The following IQCM variants were observed in gnomAD, a reference collection of about 807,000 sequenced individuals.
IQCM encodes IQ domain-containing protein M.
A neutral mutation model predicts 57.6 loss-of-function variants in IQCM; 45 were observed. The ratio of observed to expected loss-of-function variants is 0.78; its 90% CI spans 0.62 to 1.00. The LOEUF is 1.00. Ranked by LOEUF, IQCM falls within the 50% of genes least tolerant of loss-of-function variation. The pLI is 0.00. For missense variants in IQCM, 468 were observed against 511.6 expected (o/e 0.91, Z 0.82); for synonymous variants, 148 against 158.9 (o/e 0.93, Z 0.51).
chr4:149,571,147 A>G (rs1751117581), intron 9 of IQCM, among the ~76,000 whole-genome samples: 1 of 152,140 alleles, frequency 6.6e-6, no homozygotes. Flanking sequence ...TCCTGGGTAC[A>G]CATCCAAAGG....
chr4:149,790,014 A>T (rs1001287535), intron 2 of IQCM: 1 of 393,126 alleles, frequency 2.5e-6, no homozygotes, highest in South Asian at 5.8e-5. Context: ...CAAGACACAG[A>T]TCTGTGTTGT....
chr4:149,391,274 T>G (rs1273954403), intron 13 of IQCM, among the ~76,000 whole-genome samples: 1 of 151,952 alleles, frequency 6.6e-6, no homozygotes, highest in Non-Finnish European at 1.5e-5. Context: ...GTTATCTAAT[T>G]TGATGGCATA....
chr4:149,662,587 T>G (rs1451694916), intron 7 of IQCM, among the ~76,000 whole-genome samples: 1 of 151,998 alleles, frequency 6.6e-6, no homozygotes, highest in Non-Finnish European at 1.5e-5. Flanking sequence ...TTTAGGAGCT[T>G]TGGTGCTGGG....
intron 2 of IQCM, among the ~76,000 whole-genome samples, chr4:149,746,103 T>C (rs933677898): frequency 6.6e-6 from 1 of 151,502 alleles, no homozygotes; most frequent in African/African-American, 2.4e-5. Context: ...GCTCCAGGGA[T>C]CTGGAAAGGT....
At chr4:149,702,439 C>G (rs1424076571) in intron 5 of IQCM, among the ~76,000 whole-genome samples, 1 of 151,754 alleles carries the variant, frequency 6.6e-6, no homozygotes, top group Non-Finnish European at 1.5e-5. Flanking sequence ...TGACAATAAA[C>G]ATGTTAAGAC....
intron 8 of IQCM, among the ~76,000 whole-genome samples, chr4:149,601,795 A>G (rs907646577): frequency 3.9e-5 from 6 of 152,140 alleles, no homozygotes; most frequent in Non-Finnish European, 8.8e-5. Context: ...GCGGTGGCTC[A>G]TGCCTGTAAT....
intron 10 of IQCM, among the ~76,000 whole-genome samples, chr4:149,560,262 T>C (rs991887855): frequency 1.3e-5 from 2 of 152,236 alleles, no homozygotes; most frequent in Non-Finnish European, 2.9e-5. Context: ...GAGTTATTCT[T>C]ATGGTAATAT....
intron 2 of IQCM, among the ~76,000 whole-genome samples, chr4:149,764,773 A>C (rs955481151): frequency 3.3e-5 from 5 of 152,074 alleles, no homozygotes; most frequent in South Asian, 2.1e-4. Flanking sequence ...CATACTGCAA[A>C]TCCTACATTT....
At chr4:149,621,019 G>A (rs1756285600) in intron 8 of IQCM, 110 bp downstream of exon 8, 1 of 430,762 alleles carries the variant, frequency 2.3e-6, no homozygotes, top group Non-Finnish European at 3.9e-6. Flanking sequence ...AACTATCTTA[G>A]GACTGAAACA....
chr4:149,596,220 G>A (rs970679494), intron 8 of IQCM, among the ~76,000 whole-genome samples: 2 of 152,086 alleles, frequency 1.3e-5, no homozygotes, highest in African/African-American at 2.4e-5. Context: ...AAAGATACAA[G>A]GGGATTGCTG....
intron 2 of IQCM, among the ~76,000 whole-genome samples, chr4:149,781,262 T>C (rs1277817808): frequency 6.6e-6 from 1 of 152,192 alleles, no homozygotes; most frequent in Non-Finnish European, 1.5e-5. Flanking sequence ...TGGTCAACCA[T>C]GGTCCAAAAA....
At chr4:149,460,683 C>CA (rs972841177) in intron 12 of IQCM, among the ~76,000 whole-genome samples, 2 of 151,052 alleles carry the variant, frequency 1.3e-5, no homozygotes, top group African/African-American at 4.9e-5. Context: ...GGAAGAAAGG[C>CA]AAAAAAAGGA....
chr4:149,598,093 T>C (rs1301532017), intron 8 of IQCM, among the ~76,000 whole-genome samples: 1 of 152,114 alleles, frequency 6.6e-6, no homozygotes, highest in Non-Finnish European at 1.5e-5. Flanking sequence ...ACATTATCAA[T>C]TGAAGTATTT....
chr4:149,746,670 T>C (rs1269468446), intron 2 of IQCM, among the ~76,000 whole-genome samples: 2 of 152,190 alleles, frequency 1.3e-5, no homozygotes, highest in African/African-American at 2.4e-5. Context: ...TGGTTTGACT[T>C]CTCTTGGACT....
At chr4:149,611,819 A>G (rs1211374444) in intron 8 of IQCM, among the ~76,000 whole-genome samples, 8 of 152,058 alleles carry the variant, frequency 5.3e-5, no homozygotes, top group East Asian at 1.9e-4. Context: ...GTATATTTCA[A>G]AATAACTTAA....
At chr4:149,787,022 T>C (rs1326677921) in intron 2 of IQCM, among the ~76,000 whole-genome samples, 1 of 152,154 alleles carries the variant, frequency 6.6e-6, no homozygotes, top group Non-Finnish European at 1.5e-5. Context: ...TATCATGTCC[T>C]TTGCAGGGAC....
rs143128693 is a variant in IQCM at position 149,643,827 on chromosome 4, G to T, written c.566-22583C>A. On this transcript the variant is annotated intron_variant, in intron 7 of 13. Transcript: ENST00000636793. ...TAGAAACTTCAAATAAATCTCTCCA[G>T]TGGGTTACACTTTAGATTCTTGCTT... Among the ~76,000 whole-genome samples, 161 of 152,260 alleles carry T rather than the reference G, an allele frequency of 1.1e-3. 1 individual carries two copies. Among genetic ancestry groups the T allele is most frequent in the African/African-American group, 3.7e-3 (153 of 41,548 alleles).
At chr4:149,574,037 G>T (rs1347073600) in intron 9 of IQCM, among the ~76,000 whole-genome samples, 1 of 151,828 alleles carries the variant, frequency 6.6e-6, no homozygotes, top group African/African-American at 2.4e-5. Context: ...GAAAGATACA[G>T]CCATATCACA....
chr4:149,730,544 A>G (rs1218657080), intron 5 of IQCM, among the ~76,000 whole-genome samples: 1 of 152,222 alleles, frequency 6.6e-6, no homozygotes, highest in East Asian at 1.9e-4. Context: ...AATCATTTTA[A>G]TTCTGTCAAA....
Sources: allele counts gnomAD v4.1 joint callset (sites outside exome capture counted in the v4.1 genomes callset), GRCh38; gene constraint gnomAD v4.1.1; transcripts MANE v1.5; gene names NCBI Gene and HGNC (gene_info 2026-07-23, HGNC 2026-07-21).